Variants in QSOX1 observed in about 807,000 individuals in gnomAD.
The protein encoded by QSOX1 is quiescin sulfhydryl oxidase 1.
Under a neutral mutation model 76.1 loss-of-function variants are expected in QSOX1, and 40 were observed. The ratio of observed to expected loss-of-function variants is 0.53; its 90% CI spans 0.41 to 0.68. QSOX1 has a LOEUF of 0.68. Ranked by LOEUF, QSOX1 falls within the 30% of genes least tolerant of loss-of-function variation. QSOX1 has a pLI of 0.00. For missense variants in QSOX1, 931 were observed against 974.3 expected (o/e 0.96, Z 0.59); for synonymous variants, 392 against 413.1 (o/e 0.95, Z 0.62).
In QSOX1 at chr1:180,165,832, C is replaced by T. The variant is rs10913935; in HGVS notation, c.266-659C>T. 1.6e-3 allele frequency among the ~76,000 whole-genome samples: 250 copies of T among 152,348 alleles called. 2 individuals carry two copies. Among genetic ancestry groups the T allele is most frequent in the African/African-American group, 5.6e-3 (231 of 41,578 alleles). On this transcript the variant is annotated intron_variant, in intron 1 of 11. Coordinates refer to ENST00000367602, the MANE Select transcript of QSOX1 (RefSeq NM_002826.5). Reference sequence around the variant, plus strand: ...TGTGGCCCAGAATGGTGCCATTATTCTCTCTGCCAATGTTTCAGCGGCCAG... The same window carrying T: ...TGTGGCCCAGAATGGTGCCATTATTTTCTCTGCCAATGTTTCAGCGGCCAG...
chr1:180,173,846 G>A (rs1662817107), intron 2 of QSOX1, among the ~76,000 whole-genome samples: 1 of 152,192 alleles, frequency 6.6e-6, no homozygotes, highest in Non-Finnish European at 1.5e-5. Flanking sequence ...TAGATGTATG[G>A]TCATGGAATC....
rs1663111029 is a variant in QSOX1, at chr1:180,184,184, T to C, written c.887+134T>C. ...AGTGTGTACATTCTGAGCCAGGCTG[T>C]CCCCCACCCTGGGGTCTGGCCATGC... On this transcript the variant is annotated intron_variant, in intron 7 of 11. Transcript: ENST00000367602. 5.7e-6 allele frequency: 7 copies of C among 1,221,242 alleles called. No homozygotes were observed. The South Asian group carries it at 1.0e-4, about 18-fold the overall frequency. The allele number at this position is 1,221,242 out of a possible 1,614,324, so 75.7% of individuals were successfully genotyped here. A position where few individuals can be genotyped will look rare whatever the true frequency, so the allele number is the denominator to read the frequency against.
At chr1:180,175,032 C>T (rs1196275728) in intron 2 of QSOX1, among the ~76,000 whole-genome samples, 1 of 151,974 alleles carries the variant, frequency 6.6e-6, no homozygotes, top group East Asian at 1.9e-4. Context: ...TGGTGGGCGC[C>T]TGTAGTCCCA....
rs1161011835 is a variant in QSOX1, at chr1:180,196,328, G to A, written c.1535G>A (p.Cys512Tyr). The change falls in exon 12 of 12, where the codon TGC becomes TAC. Residue 512 changes from cysteine (C) to tyrosine (Y), a missense_variant. Coordinates refer to ENST00000367602, the MANE Select transcript of QSOX1 (RefSeq NM_002826.5). This position sits in a 1 kb window ranked among gnomAD's most constrained non-coding sequence, Gnocchi z 4.1. Reference protein sequence around the residue: ...QWPPRELCSACHNERLDVPVW... With the variant: ...QWPPRELCSAYHNERLDVPVW... Reference sequence around the variant, plus strand: ...CCACCCCGTGAACTTTGTTCTGCCTGCCACAATGAACGCCTGGATGTGCCC... The same window carrying A: ...CCACCCCGTGAACTTTGTTCTGCCTACCACAATGAACGCCTGGATGTGCCC... 1.2e-6 allele frequency: 2 copies of A among 1,614,124 alleles called. No individual in the cohort carries two copies. Among genetic ancestry groups the A allele is most frequent in the African/African-American group, 2.7e-5 (2 of 75,006 alleles).
intron 2 of QSOX1, among the ~76,000 whole-genome samples, chr1:180,174,325 A>G (rs1662829798): frequency 6.6e-6 from 1 of 152,210 alleles, no homozygotes; most frequent in Non-Finnish European, 1.5e-5. Context: ...TGCCCCAAGG[A>G]GGTGACAGAC....
At position 180,196,727 on chromosome 1, in the gene QSOX1, G is replaced by A. The variant is rs776197029; in HGVS notation, c.1934G>A (p.Arg645Gln). The A allele has an allele frequency of 2.5e-6, 4 of 1,614,000 alleles. No individual in the cohort carries two copies. Among genetic ancestry groups the A allele is most frequent in the East Asian group, 2.2e-5 (1 of 44,894 alleles). The change falls in exon 12 of 12, where the codon CGA becomes CAA. Residue 645 changes from arginine to glutamine, a missense_variant. By Grantham distance (43) the Arg-to-Gln change is conservative. Transcript: ENST00000367602. The surrounding 1 kb of genome is among the most constrained non-coding windows in gnomAD (Gnocchi z 4.1). Reference protein sequence around the residue: ...QPLGQWHLSKRDTGAALLAES... With the variant: ...QPLGQWHLSKQDTGAALLAES... Reference sequence around the variant, plus strand: ...CTTGGGCAGTGGCACTTGAGCAAGCGAGACACAGGGGCTGCATTGCTGGCT... The same window carrying A: ...CTTGGGCAGTGGCACTTGAGCAAGCAAGACACAGGGGCTGCATTGCTGGCT...
intron 5 of QSOX1, among the ~76,000 whole-genome samples, chr1:180,179,818 C>A (rs1662986201): frequency 6.6e-6 from 1 of 152,272 alleles, no homozygotes; most frequent in Non-Finnish European, 1.5e-5. Context: ...CCAGGCCTCT[C>A]AGCCCTGAGA....
Position 180,194,204 on chromosome 1 carries a change from GC to G in QSOX1, c.1289-6del, listed in dbSNP as rs1663398438. On this transcript the variant is annotated splice_region_variant and splice_polypyrimidine_tract_variant and intron_variant, in intron 10 of 11. Coordinates refer to ENST00000367602, the MANE Select transcript of QSOX1 (RefSeq NM_002826.5). ...AGGGCTGGTGCGTGGCATCTCCTCT[GC>G]CCTGTAGCCAAGGCCAAGGAGGTCC... 9 of 1,609,096 alleles carry G rather than the reference GC, an allele frequency of 5.6e-6. No homozygotes were observed. Among genetic ancestry groups the G allele is most frequent in the Non-Finnish European group, 7.6e-6 (9 of 1,178,090 alleles).
At chr1:180,184,183 G>A in intron 7 of QSOX1, 133 bp downstream of exon 7, 1 of 1,239,860 alleles carries the variant, frequency 8.1e-7, no homozygotes, top group Non-Finnish European at 1.1e-6. Flanking sequence ...GAGCCAGGCT[G>A]TCCCCCACCC....
Position 180,199,762 on chromosome 1 carries a change from C to G in QSOX1, c.*2725C>G, listed in dbSNP as rs924975985. 6.7e-6 allele frequency: 1 copy of G among 148,884 alleles called. No individual in the cohort carries two copies. The highest frequency in any genetic ancestry group is 1.5e-5 in the Non-Finnish European group (1 of 67,274). The allele number at this position is 148,884 out of a possible 1,614,324, so 9.2% of individuals were successfully genotyped here. ...AGGGAGGGTGTTGAGGAGGCTTCTG[C>G]GAGACCTGAAGGATGGGAAGCCAGG... On this transcript the variant is annotated 3_prime_UTR_variant, in exon 12 of 12. Transcript: ENST00000367602.
At position 180,194,295 on chromosome 1, in the gene QSOX1, G is replaced by GCAGATGGCTGCTGCCTC. The variant is rs1315146614; in HGVS notation, c.1374_1390dup (p.Met464ArgfsTer128). The GCAGATGGCTGCTGCCTC allele has an allele frequency of 6.2e-7, 1 of 1,612,596 alleles. No individual in the cohort carries two copies. Among genetic ancestry groups the GCAGATGGCTGCTGCCTC allele is most frequent in the Admixed American group, 1.7e-5 (1 of 59,872 alleles). On this transcript the variant is annotated frameshift_variant, in exon 11 of 12. Transcript: ENST00000367602. LOFTEE classifies it high-confidence loss of function. ...GCCGAGACTGCGCTAGCCACTTCGA[G>GCAGATGGCTGCTGCCTC]CAGATGGCTGCTGCCTCCATGCACC... is the stretch of plus-strand genomic sequence containing the variant.
Position 180,182,194 on chromosome 1 carries a change from G to A in QSOX1, c.627G>A (p.Gln209=), listed in dbSNP as rs1307642596. 1 of 1,614,184 alleles carries A rather than the reference G, an allele frequency of 6.2e-7. No individual in the cohort carries two copies. Among genetic ancestry groups the A allele is most frequent in the African/African-American group, 1.3e-5 (1 of 75,074 alleles). ...TGCAGGTGGCTCTGGACCTGTCCCAGCACAAAGGCGTGGCGGTGCGCAGGG... is the reference window on the plus strand; with the variant it reads ...TGCAGGTGGCTCTGGACCTGTCCCAACACAAAGGCGTGGCGGTGCGCAGGG... ...LGREVALDLS[Q]HKGVAVRRVL... The change falls in exon 6 of 12, where the codon CAG becomes CAA. Residue 209 remains glutamine, a synonymous_variant. Transcript: ENST00000367602.
At chr1:180,155,291 T>G in intron 1 of QSOX1, 119 bp downstream of exon 1, 55 of 943,912 alleles carry the variant, frequency 5.8e-5, no homozygotes, top group Non-Finnish European at 7.7e-5. Flanking sequence ...CGCCCACCTC[T>G]TCCTCTCCGC....
chr1:180,196,230 C>A lies in QSOX1; in HGVS notation c.1469-32C>A. 6.3e-7 allele frequency: 1 copy of A among 1,578,538 alleles called. No individual in the cohort carries two copies. The highest frequency in any genetic ancestry group is 1.2e-5 in the South Asian group (1 of 86,366). On this transcript the variant is annotated intron_variant, in intron 11 of 11. Transcript: ENST00000367602. The surrounding 1 kb of genome is among the most constrained non-coding windows in gnomAD (Gnocchi z 4.1). ...CTGGGTTTTTGGGTGGGACTGATGT[C>A]ACCACCAGCCTGTGTATGCTTCCCT...
Position 180,155,182 on chromosome 1 carries a change from G to C in QSOX1, c.265+10G>C. ...GCCGAAGACGTCAAAGGTGAGAAGC[G>C]GGGGCGGCCCGCTCCCCCGTGCCCC... On this transcript the variant is annotated intron_variant, in intron 1 of 11. Transcript: ENST00000367602. 1 of 1,484,108 alleles carries C rather than the reference G, an allele frequency of 6.7e-7. No individual in the cohort carries two copies. Among genetic ancestry groups the C allele is most frequent in the Non-Finnish European group, 8.9e-7 (1 of 1,120,098 alleles). The allele number at this position is 1,484,108 out of a possible 1,614,324, so 91.9% of individuals were successfully genotyped here. A position where few individuals can be genotyped will look rare whatever the true frequency, so the allele number is the denominator to read the frequency against.
chr1:180,170,560 G>A (rs1662735986), intron 2 of QSOX1, among the ~76,000 whole-genome samples: 1 of 152,118 alleles, frequency 6.6e-6, no homozygotes, highest in African/African-American at 2.4e-5. Flanking sequence ...CCATTAGGGA[G>A]CAGCTAGAGG....
In QSOX1 at chr1:180,197,771, C is replaced by G. The variant is rs1350982426; in HGVS notation, c.*734C>G. On this transcript the variant is annotated 3_prime_UTR_variant, in exon 12 of 12. Transcript: ENST00000367602. ...CTGGCTTAGCTGCAGGAGAAGATGG[C>G]TGCTTTCACTTCCCCCCATTGAGCT... The G allele has an allele frequency of 3.8e-6, 1 of 260,828 alleles. No individual in the cohort carries two copies. Among genetic ancestry groups the G allele is most frequent in the East Asian group, 1.0e-4 (1 of 10,028 alleles). 16.2% of individuals were successfully genotyped at this position (260,828 alleles called of 1,614,324 possible).
At chr1:180,194,998 G>GGC (rs1553275517) in intron 11 of QSOX1, among the ~76,000 whole-genome samples, 1 of 147,016 alleles carries the variant, frequency 6.8e-6, no homozygotes, top group Non-Finnish European at 1.5e-5. Context: ...CAGCCTCCCG[G>GGC]GGGGGGGAGA....
intron 11 of QSOX1, among the ~76,000 whole-genome samples, chr1:180,195,001 G>GA (rs371582361): frequency 4.7e-5 from 7 of 149,206 alleles, no homozygotes; most frequent in Non-Finnish European, 1.0e-4. Flanking sequence ...CCTCCCGGGG[G>GA]GGGGAGACCA....
Sources: gnomAD v4.1 joint callset for allele counts (sites outside exome capture counted in the v4.1 genomes callset) on GRCh38, gnomAD v4.1.1 for gene constraint, Gnocchi (gnomAD v3.1) non-coding constraint, MANE v1.5 for transcripts, NCBI Gene and HGNC (gene_info 2026-07-23, HGNC 2026-07-21) for gene names.